The following FARP2 variants were observed in gnomAD, a reference collection of about 807,000 sequenced individuals.
FARP2 encodes the protein FERM, ARHGEF and pleckstrin domain-containing protein 2.
In FARP2, 111 loss-of-function variants were observed where a neutral mutation model predicts 130.5. The ratio of observed to expected loss-of-function variants is 0.85; its 90% CI spans 0.73 to 1.00. The LOEUF is 1.00. FARP2 is among the 50% of genes least tolerant of loss of function. FARP2 has a pLI of 0.00. For synonymous variants in FARP2, 504 were observed against 516.9 expected (o/e 0.98, Z 0.34); for missense variants, 1,385 against 1,346.3 (o/e 1.03, Z -0.45).
intron 5 of FARP2, among the ~76,000 whole-genome samples, chr2:241,408,165 C>T (rs958892787): frequency 6.6e-6 from 1 of 152,106 alleles, no homozygotes; most frequent in Non-Finnish European, 1.5e-5. Flanking sequence ...GTCAGGAGAT[C>T]GAGACCATCC....
At chr2:241,371,101 C>G (rs2061414875) in intron 1 of FARP2, among the ~76,000 whole-genome samples, 1 of 152,148 alleles carries the variant, frequency 6.6e-6, no homozygotes, top group South Asian at 2.1e-4. Context: ...TGCAGAAGTT[C>G]AAAAGGTTGT....
chr2:241,396,154 C>T (rs1208749791), intron 2 of FARP2, among the ~76,000 whole-genome samples: 1 of 151,858 alleles, frequency 6.6e-6, no homozygotes, highest in African/African-American at 2.4e-5. Flanking sequence ...AAACTGGATC[C>T]CTTCCTTACA....
chr2:241,490,473 C>A (rs2064863940), intron 22 of FARP2, among the ~76,000 whole-genome samples: 1 of 152,216 alleles, frequency 6.6e-6, no homozygotes, highest in African/African-American at 2.4e-5. Flanking sequence ...CCTCCCAGTC[C>A]CAGTGTGGTA....
chr2:241,437,940 C>G (rs2063285540), intron 12 of FARP2, among the ~76,000 whole-genome samples: 1 of 151,962 alleles, frequency 6.6e-6, no homozygotes, highest in African/African-American at 2.4e-5. Flanking sequence ...GCTGGGAATA[C>G]AGGCATGAGC....
At chr2:241,483,236 C>T (rs2064661357) in intron 19 of FARP2, among the ~76,000 whole-genome samples, 1 of 152,214 alleles carries the variant, frequency 6.6e-6, no homozygotes, top group African/African-American at 2.4e-5. Context: ...AGCAGGTGCT[C>T]AGTAGATGGT....
At chr2:241,454,765 A>G (rs2063787128) in intron 13 of FARP2, among the ~76,000 whole-genome samples, 1 of 152,208 alleles carries the variant, frequency 6.6e-6, no homozygotes, top group Non-Finnish European at 1.5e-5. Context: ...TGTTGTTAAT[A>G]ATTTCCTATA....
Position 241,483,495 on chromosome 2 carries a change from C to G in FARP2, c.2293C>G (p.Leu765Val), listed in dbSNP as rs766357961. ...CATCCGTGAGGGCTGCCTTCACAAG[C>G]TCACCAAGAAGGGCCTGCAGCAGAG... is the stretch of plus-strand genomic sequence containing the variant. ...EFIREGCLHK[L>V]TKKGLQQRMF... Residue 765 changes from leucine to valine, a missense_variant, in exon 20 of 27, where the codon CTC (leucine) becomes GTC (valine). By Grantham distance (32) the Leu-to-Val change is conservative. Coordinates refer to ENST00000264042, the MANE Select transcript of FARP2 (RefSeq NM_014808.4). 5 of 1,614,226 alleles carry G rather than the reference C, an allele frequency of 3.1e-6. No homozygotes were observed. The highest frequency in any genetic ancestry group is 4.2e-6 in the Non-Finnish European group (5 of 1,180,002).
rs368444468 is a variant in FARP2 at position 241,456,950 on chromosome 2, C to T, written c.1587+28C>T. On this transcript the variant is annotated intron_variant, in intron 14 of 26. Coordinates refer to ENST00000264042, the MANE Select transcript of FARP2 (RefSeq NM_014808.4). ...GGGCCCCTCGAGGCTGAGAAGCTAG[C>T]AGAGGGTTGCAGGGTGGGCCTGTTT... 4.8e-5 allele frequency: 74 copies of T among 1,544,620 alleles called. No homozygotes were observed. The African/African-American group carries it at 9.2e-4, about 19-fold the overall frequency.
At chr2:241,460,814 G>T (rs1016796405) in intron 14 of FARP2, among the ~76,000 whole-genome samples, 4 of 152,222 alleles carry the variant, frequency 2.6e-5, no homozygotes, top group Non-Finnish European at 4.4e-5. Context: ...TGGGAGCCAG[G>T]CAGGCTGCCA....
At chr2:241,470,472 G>T (rs888491944) in intron 18 of FARP2, among the ~76,000 whole-genome samples, 1 of 150,472 alleles carries the variant, frequency 6.6e-6, no homozygotes, top group Admixed American at 6.6e-5. Context: ...AGGGGACCCT[G>T]TTCTAAGAAC....
At chr2:241,470,423 G>T (rs1436294132) in intron 18 of FARP2, among the ~76,000 whole-genome samples, 1 of 145,838 alleles carries the variant, frequency 6.9e-6, no homozygotes, top group Non-Finnish European at 1.5e-5. Context: ...ATGGGGATGC[G>T]CTCTGAAGGG....
intron 1 of FARP2, among the ~76,000 whole-genome samples, chr2:241,357,019 T>C (rs1184936839): frequency 6.6e-6 from 1 of 152,244 alleles, no homozygotes; most frequent in Non-Finnish European, 1.5e-5. Context: ...TATGGCCCAG[T>C]ACATTACACA....
At chr2:241,429,394 G>T (rs1248598690) in intron 8 of FARP2, among the ~76,000 whole-genome samples, 6 of 152,180 alleles carry the variant, frequency 3.9e-5, no homozygotes, top group Admixed American at 6.5e-5. Flanking sequence ...TTACAGGGCA[G>T]TCATTTTGTA....
At chr2:241,466,223 C>T in intron 17 of FARP2, 1 of 985,426 alleles carries the variant, frequency 1.0e-6, no homozygotes, top group Non-Finnish European at 1.2e-6. Flanking sequence ...AGAGCCCGGG[C>T]CCCTGTCCCC....
intron 20 of FARP2, 70 bp downstream of exon 20, chr2:241,483,603 C>T (rs571271641): frequency 1.3e-4 from 195 of 1,497,360 alleles, no homozygotes; most frequent in Middle Eastern, 3.4e-4. Flanking sequence ...TTAGGGACAT[C>T]GCCTGCAGCG....
chr2:241,494,043 C>T lies in FARP2; in HGVS notation c.3083C>T (p.Ala1028Val). The change falls in exon 27 of 27, where the codon GCC becomes GTC. Residue 1028 changes from alanine (A) to valine (V), a missense_variant. Coordinates refer to ENST00000264042, the MANE Select transcript of FARP2 (RefSeq NM_014808.4). This position sits in a 1 kb window ranked among gnomAD's most constrained non-coding sequence, Gnocchi z 4.9. ...MEVIQGASSS[A>V]GRAPSIVQDG... is the part of the protein sequence containing the mutation. The stretch of plus-strand genomic sequence containing the variant: ...GTGATCCAGGGGGCCAGCAGCTCAG[C>T]CGGGAGGGCCCCAAGCATCGTGCAG... 2 of 1,415,070 alleles carry T rather than the reference C, an allele frequency of 1.4e-6. No individual in the cohort carries two copies. The highest frequency in any genetic ancestry group is 1.8e-6 in the Non-Finnish European group (2 of 1,083,574). 87.7% of individuals were successfully genotyped at this position (1,415,070 alleles called of 1,614,324 possible).
chr2:241,453,603 A>ACTCCAGCCTGGGTGAC (rs2063744001), intron 13 of FARP2, among the ~76,000 whole-genome samples: 1 of 151,004 alleles, frequency 6.6e-6, no homozygotes, highest in African/African-American at 2.4e-5. Context: ...GCCTGGGTGA[A>ACTCCAGCCTGGGTGAC]AGAGCGAGAC....
chr2:241,476,486 G>A (rs1163257918), intron 19 of FARP2, among the ~76,000 whole-genome samples: 3 of 152,112 alleles, frequency 2.0e-5, no homozygotes, highest in Admixed American at 6.5e-5. Context: ...TTGGGAGTTC[G>A]AGACCAGCCA....
At chr2:241,453,495 G>A (rs1290464456) in intron 13 of FARP2, among the ~76,000 whole-genome samples, 15 of 149,880 alleles carry the variant, frequency 1.0e-4, no homozygotes, top group Admixed American at 4.0e-4. Flanking sequence ...GGTGGTGGGA[G>A]CCTGTAGTCC....
Sources: allele counts gnomAD v4.1 joint callset (sites outside exome capture counted in the v4.1 genomes callset), GRCh38; gene constraint gnomAD v4.1.1; non-coding constraint Gnocchi (gnomAD v3.1); transcripts MANE v1.5; gene names NCBI Gene and HGNC (gene_info 2026-07-23, HGNC 2026-07-21).